Variants in MS4A8 observed in about 807,000 individuals in gnomAD.
MS4A8 encodes membrane spanning 4-domains A8.
MS4A8 carries 27 observed loss-of-function variants against 23.7 expected under a neutral mutation model. That is an observed-to-expected ratio of 1.14 (90% CI 0.84 to 1.57). MS4A8 has a LOEUF of 1.57. MS4A8 is among the 40% of genes most tolerant of loss of function. The pLI, the probability that MS4A8 is intolerant of heterozygous loss-of-function variation, is 0.00. For synonymous variants in MS4A8, 138 were observed against 126.3 expected, an observed-to-expected ratio of 1.09 and a Z score of -0.62; for missense variants, 301 against 311.4, an observed-to-expected ratio of 0.97 and a Z score of 0.25.
At chr11:60,710,915 C>T (rs1436641933) in intron 5 of MS4A8, among the ~76,000 whole-genome samples, 1 of 152,176 alleles carries the variant, frequency 6.6e-6, no homozygotes, top group Non-Finnish European at 1.5e-5. Flanking sequence ...TCAGATGTTC[C>T]CACAGCTTCC....
chr11:60,703,254 T>G (rs2088221240), intron 2 of MS4A8, 124 bp from the exon 3 acceptor site: 1 of 1,160,000 alleles, frequency 8.6e-7, no homozygotes, highest in African/African-American at 1.6e-5. Context: ...ATTTCATTTT[T>G]GTATTTCCCA....
chr11:60,702,360 C>T (rs1223477978), intron 2 of MS4A8, among the ~76,000 whole-genome samples: 4 of 152,186 alleles, frequency 2.6e-5, no homozygotes, highest in African/African-American at 2.4e-5. Flanking sequence ...ACTCCAAATA[C>T]GGTTTCTACT....
intron 2 of MS4A8, 109 bp from the exon 3 acceptor site, chr11:60,703,269 A>T: frequency 7.9e-7 from 1 of 1,258,960 alleles, no homozygotes; most frequent in Non-Finnish European, 1.0e-6. Context: ...TTCCCATATT[A>T]CTTTTTAGAC....
intron 3 of MS4A8, among the ~76,000 whole-genome samples, chr11:60,705,106 C>T (rs1221672430): frequency 1.3e-5 from 2 of 152,192 alleles, no homozygotes; most frequent in East Asian, 1.9e-4. Context: ...TCTCCATCCC[C>T]GACAGCCACA....
intron 6 of MS4A8, 64 bp downstream of exon 6, chr11:60,715,198 C>A: frequency 1.3e-6 from 2 of 1,506,812 alleles, no homozygotes; most frequent in East Asian, 2.3e-5. Context: ...CAAGGGAGCT[C>A]TTTGTGCTTT....
chr11:60,715,001 C>G lies in MS4A8; in HGVS notation c.535-20C>G, dbSNP rs773039289. On this transcript the variant is annotated intron_variant, in intron 5 of 6. Transcript: ENST00000300226. ...CTCCCAGTCCCGTGCTCCTGTCCTC[C>G]CCATCTGCTCTGCCTACAGAACCCT... The G allele has an allele frequency of 2.5e-6, 4 of 1,576,514 alleles. No homozygotes were observed. In the South Asian group the frequency reaches 3.3e-5, roughly 13 times the overall value.
Position 60,708,722 on chromosome 11 carries a change from G to A in MS4A8, c.475G>A (p.Asp159Asn), listed in dbSNP as rs530030122. Residue 159 changes from aspartate (D) to asparagine (N), a missense_variant, in exon 5 of 7, where the codon GAT (aspartate) becomes AAT (asparagine). Asp to Asn is a conservative substitution (Grantham distance 23). Transcript: ENST00000300226. ...AGTTGGAGTCATACTCTTCATCACA[G>A]ATCTAAGTATTCCCCACCCATATGC... ...SAVGVILFIT[D>N]LSIPHPYAYP... The A allele has an allele frequency of 1.2e-6, 2 of 1,612,436 alleles. No individual in the cohort carries two copies. The highest frequency in any genetic ancestry group is 1.1e-5 in the South Asian group (1 of 90,680).
chr11:60,707,464 G>C (rs574099545), intron 4 of MS4A8, among the ~76,000 whole-genome samples: 67 of 152,282 alleles, frequency 4.4e-4, no homozygotes, highest in Non-Finnish European at 7.9e-4. Context: ...AGCCGAAGGA[G>C]GCTCAGTCAC....
chr11:60,706,966 A>G (rs1201425581), intron 3 of MS4A8, 22 bp from the exon 4 acceptor site: 1 of 1,613,462 alleles, frequency 6.2e-7, no homozygotes, highest in Non-Finnish European at 8.5e-7. Flanking sequence ...CCTCTTTCTA[A>G]ACCCACTCTG....
At chr11:60,714,482 C>T (rs368260773) in intron 5 of MS4A8, among the ~76,000 whole-genome samples, 1 of 152,182 alleles carries the variant, frequency 6.6e-6, no homozygotes, top group South Asian at 2.1e-4. Flanking sequence ...TCCCCACATT[C>T]AGAGGGATGG....
Position 60,703,383 on chromosome 11 carries a change from CCAG to C in MS4A8, c.226_228del (p.Gln76del). On this transcript the variant is annotated inframe_deletion, in exon 3 of 7. Transcript: ENST00000300226. ...GCTTGTGGCTCTCCTGACAGGCCATCCAGATCATCATTGGCCTGGCTCACATCG... is the reference window on the plus strand; with the variant it reads ...GCTTGTGGCTCTCCTGACAGGCCATCATCATCATTGGCCTGGCTCACATCG... The C allele has an allele frequency of 6.4e-7, 1 of 1,572,730 alleles. No individual in the cohort carries two copies. The highest frequency in any genetic ancestry group is 8.6e-7 in the Non-Finnish European group (1 of 1,161,404).
At chr11:60,703,584 GC>G in intron 3 of MS4A8, 84 bp downstream of exon 3, 8 of 1,516,716 alleles carry the variant, frequency 5.3e-6, no homozygotes, top group Non-Finnish European at 7.2e-6. Context: ...GTGCAGCTGT[GC>G]CCTGCAGAAG....
intron 4 of MS4A8, 88 bp from the exon 5 acceptor site, chr11:60,708,562 G>T (rs145836490): frequency 2.2e-6 from 3 of 1,357,886 alleles, no homozygotes; most frequent in African/African-American, 3.0e-5. Flanking sequence ...TTAGAAATTG[G>T]GGGGAAAAAG....
rs1178196727 is a variant in MS4A8 at position 60,715,132 on chromosome 11, A to G, written c.646A>G (p.Asn216Asp). 1 of 1,611,146 alleles carries G rather than the reference A, an allele frequency of 6.2e-7. No individual in the cohort carries two copies. The highest frequency in any genetic ancestry group is 1.3e-5 in the African/African-American group (1 of 74,844). The change falls in exon 6 of 7, where the codon AAT (asparagine) becomes GAT (aspartate). Residue 216 changes from asparagine (N) to aspartate (D), a missense_variant and splice_region_variant. By Grantham distance (23) the Asn-to-Asp change is conservative. Coordinates refer to ENST00000300226, the MANE Select transcript of MS4A8 (RefSeq NM_031457.2). Reference protein sequence around the residue: ...GCQLVCCQSSNVSVIYPNIYA... With the variant: ...GCQLVCCQSSDVSVIYPNIYA... ...CCAGTTGGTCTGCTGTCAATCAAGC[A>G]ATGTGAGTCCCAGGGTTCCTCAGTG...
At position 60,703,377 on chromosome 11, in the gene MS4A8, G is replaced by T; in HGVS notation, c.220-1G>T. On this transcript the variant is annotated splice_acceptor_variant, in intron 2 of 6. Transcript: ENST00000300226. LOFTEE classifies it high-confidence loss of function. ...ACTTCAGCTTGTGGCTCTCCTGACA[G>T]GCCATCCAGATCATCATTGGCCTGG... The T allele has an allele frequency of 6.4e-7, 1 of 1,563,788 alleles. No homozygotes were observed.
chr11:60,708,714 T>C lies in MS4A8; in HGVS notation c.467T>C (p.Phe156Ser), dbSNP rs2088277751. 6.2e-7 allele frequency: 1 copy of C among 1,610,326 alleles called. No individual in the cohort carries two copies. Among genetic ancestry groups the C allele is most frequent in the Non-Finnish European group, 8.5e-7 (1 of 1,178,822 alleles). Residue 156 changes from phenylalanine to serine, a missense_variant, in exon 5 of 7, where the codon TTC (phenylalanine) becomes TCC (serine). Coordinates refer to ENST00000300226, the MANE Select transcript of MS4A8 (RefSeq NM_031457.2). Reference protein sequence around the residue: ...AICSAVGVILFITDLSIPHPY... With the variant: ...AICSAVGVILSITDLSIPHPY... ...TGCTCTGCAGTTGGAGTCATACTCT[T>C]CATCACAGATCTAAGTATTCCCCAC...
intron 1 of MS4A8, among the ~76,000 whole-genome samples, chr11:60,700,189 G>A (rs1335313951): frequency 1.3e-5 from 2 of 152,196 alleles, no homozygotes; most frequent in Non-Finnish European, 2.9e-5. Flanking sequence ...TGTTGTCCAA[G>A]AGATTTTCTA....
rs145935884 is a variant in MS4A8, at chr11:60,703,197, T to C, written c.220-181T>C. On this transcript the variant is annotated intron_variant, in intron 2 of 6. Transcript: ENST00000300226. ...AATAATGGGAGAATACACCAAAATG[T>C]AAACAGTTGTTTTCTCCAGGCGGAG... 4.3e-5 allele frequency: 27 copies of C among 623,042 alleles called. 1 individual carries two copies. The African/African-American group carries it at 4.9e-4, about 11-fold the overall frequency. The allele number at this position is 623,042 out of a possible 1,614,324, so 38.6% of individuals were successfully genotyped here.
At chr11:60,700,220 G>A (rs554004808) in intron 1 of MS4A8, among the ~76,000 whole-genome samples, 31 of 152,312 alleles carry the variant, frequency 2.0e-4, no homozygotes, top group Non-Finnish European at 3.5e-4. Flanking sequence ...TTTGCTTTCA[G>A]CCAGTACTAA....
Sources: allele counts gnomAD v4.1 joint callset (sites outside exome capture counted in the v4.1 genomes callset), GRCh38; gene constraint gnomAD v4.1.1; transcripts MANE v1.5; gene names NCBI Gene and HGNC (gene_info 2026-07-23, HGNC 2026-07-21).